The following HDAC9 variants were observed in gnomAD, a reference collection of about 807,000 sequenced individuals.
The protein encoded by HDAC9 is MEF-2 interacting transcription repressor (MITR) protein.
A neutral mutation model predicts 139.4 loss-of-function variants in HDAC9; 41 were observed. The ratio of observed to expected loss-of-function variants is 0.29; its 90% CI spans 0.23 to 0.38. The LOEUF is 0.38. Among genes scored for constraint, HDAC9 ranks in the 10% least tolerant of loss-of-function variants. The pLI is 1.00. For missense variants in HDAC9, 1,147 were observed against 1,297.0 expected, an observed-to-expected ratio of 0.88 and a Z score of 1.78; for synonymous variants, 517 against 476.2, an observed-to-expected ratio of 1.09 and a Z score of -1.12.
intron 1 of HDAC9, among the ~76,000 whole-genome samples, chr7:18,294,884 G>A (rs1798043007): frequency 6.6e-6 from 1 of 152,104 alleles, no homozygotes; most frequent in Admixed American, 6.6e-5. Flanking sequence ...GACAGAGTGA[G>A]AAATACTGTA....
In HDAC9 at chr7:18,985,260, C is replaced by T. The variant is rs889952088; in HGVS notation, c.3170+9307C>T. The stretch of plus-strand genomic sequence containing the variant: ...ACAGACCCCAGAGTGCGATGTTCCC[C>T]TTCCTGTGTCCATGTGTTCTCATTG... On this transcript the variant is annotated intron_variant, in intron 25 of 25. Transcript: ENST00000686413. Among the ~76,000 whole-genome samples the T allele has an allele frequency of 2.0e-5, 3 of 152,076 alleles. No homozygotes were observed. In the South Asian group the frequency reaches 6.2e-4, roughly 32 times the overall value.
intron 1 of HDAC9, among the ~76,000 whole-genome samples, chr7:18,451,842 A>C (rs1447844910): frequency 6.6e-6 from 1 of 152,026 alleles, no homozygotes; most frequent in Non-Finnish European, 1.5e-5. Flanking sequence ...CACTCAAAGA[A>C]AAGAGTCTGG....
intron 13 of HDAC9, 135 bp from the exon 14 acceptor site, chr7:18,748,870 C>G: frequency 3.5e-6 from 3 of 848,438 alleles, no homozygotes; most frequent in Non-Finnish European, 5.4e-6. Context: ...TGAGAATTTG[C>G]TTTGTGATAT....
At chr7:18,805,786 C>A (rs998459525) in intron 17 of HDAC9, among the ~76,000 whole-genome samples, 2 of 152,152 alleles carry the variant, frequency 1.3e-5, no homozygotes, top group Admixed American at 6.5e-5. Flanking sequence ...TTTGAAGAAC[C>A]CAGAGAGATC....
At chr7:18,260,317 TTTTTTG>T (rs1795573427) in intron 2 of HDAC9, among the ~76,000 whole-genome samples, 1 of 133,140 alleles carries the variant, frequency 7.5e-6, no homozygotes, top group Non-Finnish European at 1.6e-5. Context: ...TTTTGTTTTT[TTTTTTG>T]TTTTTTTTTT....
At chr7:18,195,643 G>A (rs569043946) in intron 2 of HDAC9, among the ~76,000 whole-genome samples, 2 of 152,082 alleles carry the variant, frequency 1.3e-5, no homozygotes, top group Non-Finnish European at 2.9e-5. Flanking sequence ...TGCTTCAGCC[G>A]GGCCTGCTTC....
intron 12 of HDAC9, among the ~76,000 whole-genome samples, chr7:18,718,664 C>T (rs1332539076): frequency 2.0e-5 from 3 of 152,124 alleles, no homozygotes; most frequent in African/African-American, 4.8e-5. Context: ...TTTTTTTATC[C>T]ATTTATCAAT....
chr7:18,745,428 A>C (rs1584960567), intron 13 of HDAC9, among the ~76,000 whole-genome samples: 1 of 152,258 alleles, frequency 6.6e-6, no homozygotes, highest in Middle Eastern at 3.4e-3. Flanking sequence ...TTATGGGGAA[A>C]ATGTCATTAA....
intron 16 of HDAC9, among the ~76,000 whole-genome samples, chr7:18,789,293 C>CACACAG (rs1792103410): frequency 6.6e-6 from 1 of 151,324 alleles, no homozygotes; most frequent in African/African-American, 2.5e-5. Flanking sequence ...CACGCACACA[C>CACACAG]ACACACACAC....
chr7:18,484,332 T>TA (rs879803900), intron 1 of HDAC9, among the ~76,000 whole-genome samples: 146 of 141,184 alleles, frequency 1.0e-3, no homozygotes, highest in South Asian at 2.0e-3. Flanking sequence ...AAGATCCTAT[T>TA]AAAAAAAAAA....
At chr7:18,668,470 G>A in intron 12 of HDAC9, 1 of 974,082 alleles carries the variant, frequency 1.0e-6, no homozygotes, top group Non-Finnish European at 1.2e-6. Flanking sequence ...TTTATTTGGG[G>A]AGGAACATGT....
chr7:18,183,374 G>C (rs751863953), intron 2 of HDAC9, among the ~76,000 whole-genome samples: 1 of 152,048 alleles, frequency 6.6e-6, no homozygotes, highest in African/African-American at 2.4e-5. Context: ...TCCCTCAATC[G>C]TGAATTTTTC....
chr7:18,300,395 A>G (rs697764), intron 1 of HDAC9, among the ~76,000 whole-genome samples: 8,581 of 152,142 alleles, frequency 0.056, 342 homozygotes, highest in Admixed American at 0.079. Flanking sequence ...TTTCTTCTAT[A>G]CATGTCAGGT....
At chr7:18,183,525 T>G (rs573313599) in intron 2 of HDAC9, among the ~76,000 whole-genome samples, 5 of 152,330 alleles carry the variant, frequency 3.3e-5, no homozygotes, top group African/African-American at 1.2e-4. Context: ...TTGGATTCCA[T>G]TTTTTCACCT....
At chr7:18,254,077 A>G (rs1038956938) in intron 2 of HDAC9, among the ~76,000 whole-genome samples, 4 of 152,242 alleles carry the variant, frequency 2.6e-5, no homozygotes, top group Non-Finnish European at 2.9e-5. Context: ...TTCAATATAC[A>G]TCAAAAGTTT....
At chr7:18,912,513 A>C (rs77038459) in intron 22 of HDAC9, among the ~76,000 whole-genome samples, 8,385 of 152,114 alleles carry the variant, frequency 0.055, 282 homozygotes, top group South Asian at 0.13. Context: ...AGTTGCTCTC[A>C]AATGGAGGTG....
intron 2 of HDAC9, among the ~76,000 whole-genome samples, chr7:18,193,596 C>T (rs1052144556): frequency 1.3e-5 from 2 of 152,198 alleles, no homozygotes; most frequent in African/African-American, 4.8e-5. Context: ...ATATCTTGAA[C>T]TCCACCTTTC....
chr7:18,398,595 C>T (rs1442297066), intron 1 of HDAC9, among the ~76,000 whole-genome samples: 5 of 152,148 alleles, frequency 3.3e-5, no homozygotes, highest in South Asian at 4.1e-4. Flanking sequence ...CAGGATTGTG[C>T]GTATGAGCCT....
intron 1 of HDAC9, among the ~76,000 whole-genome samples, chr7:18,443,427 C>G (rs1035838787): frequency 6.6e-6 from 1 of 152,058 alleles, no homozygotes; most frequent in Non-Finnish European, 1.5e-5. Context: ...CTAGGAAGAA[C>G]ACACATGCAC....
Sources: gnomAD v4.1 joint callset for allele counts (sites outside exome capture counted in the v4.1 genomes callset) on GRCh38, gnomAD v4.1.1 for gene constraint, MANE v1.5 for transcripts, NCBI Gene and HGNC (gene_info 2026-07-23, HGNC 2026-07-21) for gene names.